The following ANP32E variants were observed in gnomAD, a reference collection of about 807,000 sequenced individuals.
ANP32E encodes the protein acidic leucine-rich nuclear phosphoprotein 32 family member E.
In ANP32E, 14 loss-of-function variants were observed where a neutral mutation model predicts 35.3. The ratio of observed to expected loss-of-function variants is 0.40; its 90% confidence interval spans 0.26 to 0.62. ANP32E has a LOEUF of 0.62. ANP32E is among the 20% of genes least tolerant of loss of function. The pLI, the probability that ANP32E is intolerant of heterozygous loss-of-function variation, is 0.45. For missense variants in ANP32E, 198 were observed against 304.4 expected, an observed-to-expected ratio of 0.65 and a Z score of 2.60; for synonymous variants, 89 against 110.4, an observed-to-expected ratio of 0.81 and a Z score of 1.22.
chr1:150,219,227 A>G lies in ANP32E; in HGVS notation c.*1464T>C, dbSNP rs1553836782. 1 of 152,222 alleles carries G rather than the reference A, an allele frequency of 6.6e-6. No individual in the cohort carries two copies. Among genetic ancestry groups the G allele is most frequent in the East Asian group, 1.9e-4 (1 of 5,208 alleles). The allele number at this position is 152,222 out of a possible 1,614,324, so 9.4% of individuals were successfully genotyped here. A position where few individuals can be genotyped will look rare whatever the true frequency, so the allele number is the denominator to read the frequency against. ...TTACAAATATTCAAAACAAAGGGAAAAAATTTTAGATAGCCAAGATTTAAA... is the reference window on the plus strand; with the variant it reads ...TTACAAATATTCAAAACAAAGGGAAGAAATTTTAGATAGCCAAGATTTAAA... On this transcript the variant is annotated 3_prime_UTR_variant, in exon 7 of 7. Transcript: ENST00000583931.
At chr1:150,232,275 C>A (rs1257778115) in intron 1 of ANP32E, among the ~76,000 whole-genome samples, 1 of 135,262 alleles carries the variant, frequency 7.4e-6, no homozygotes, top group Non-Finnish European at 1.6e-5. Flanking sequence ...ACCCGGGAGG[C>A]GGAGCTTGCA....
intron 5 of ANP32E, 154 bp from the exon 6 acceptor site, chr1:150,223,394 T>A (rs1648592697): frequency 1.9e-6 from 2 of 1,051,232 alleles, no homozygotes; most frequent in African/African-American, 1.6e-5. Flanking sequence ...AAAACCTAAC[T>A]AAAGGGCCGG....
At chr1:150,230,545 T>C (rs1184182560) in intron 3 of ANP32E, 26 bp downstream of exon 3, 1 of 1,557,730 alleles carries the variant, frequency 6.4e-7, no homozygotes, top group Non-Finnish European at 8.7e-7. Context: ...AAAAAGCAAG[T>C]CCAGAGACAA....
In ANP32E at chr1:150,226,603, T is replaced by G; in HGVS notation, c.681+5A>C. The G allele has an allele frequency of 6.2e-7, 1 of 1,613,302 alleles. No homozygotes were observed. Among genetic ancestry groups the G allele is most frequent in the Non-Finnish European group, 8.5e-7 (1 of 1,179,952 alleles). Reference sequence around the variant, plus strand: ...TTTCAGTGCAGGTAAGAAGTGTGTATTCACCTGAATTTCTTCTTTCATTAA... The same window carrying G: ...TTTCAGTGCAGGTAAGAAGTGTGTAGTCACCTGAATTTCTTCTTTCATTAA... On this transcript the variant is annotated splice_donor_5th_base_variant and intron_variant, in intron 5 of 6. Coordinates refer to ENST00000583931, the MANE Select transcript of ANP32E (RefSeq NM_030920.5).
At chr1:150,228,374 TATAG>T (rs1270284111) in intron 4 of ANP32E, among the ~76,000 whole-genome samples, 2 of 152,150 alleles carry the variant, frequency 1.3e-5, no homozygotes, top group African/African-American at 4.8e-5. Flanking sequence ...TATTGCACTG[TATAG>T]ATAAACCACA....
intron 3 of ANP32E, among the ~76,000 whole-genome samples, chr1:150,230,164 C>T (rs1438893490): frequency 6.6e-6 from 1 of 152,094 alleles, no homozygotes; most frequent in African/African-American, 2.4e-5. Flanking sequence ...CAGACATAAA[C>T]CACTGTGCCC....
chr1:150,227,427 A>G (rs1553840408), intron 4 of ANP32E, among the ~76,000 whole-genome samples: 1 of 152,164 alleles, frequency 6.6e-6, no homozygotes. Flanking sequence ...TAAAGAAAGA[A>G]TGAAATCATG....
intron 5 of ANP32E, among the ~76,000 whole-genome samples, chr1:150,225,665 T>A (rs1648802965): frequency 2.4e-5 from 2 of 83,542 alleles, no homozygotes; most frequent in Non-Finnish European, 2.1e-5. Flanking sequence ...AGTGAGACTG[T>A]AACAAAAAAA....
chr1:150,230,527 T>A, intron 3 of ANP32E, 44 bp downstream of exon 3: 2 of 1,513,884 alleles, frequency 1.3e-6, no homozygotes, highest in Non-Finnish European at 1.8e-6. Flanking sequence ...CTCAGAAAAT[T>A]TAACCAAAAA....
Position 150,226,790 on chromosome 1 carries a change from C to T in ANP32E, c.499G>A (p.Asp167Asn), listed in dbSNP as rs782628975. The change falls in exon 5 of 7, where the codon GAT (aspartate) becomes AAT (asparagine). Residue 167 changes from aspartate (D) to asparagine (N), a missense_variant. By Grantham distance (23) the Asp-to-Asn change is conservative. Around this residue, in one of 4 missense-constraint regions of ANP32E, gnomAD observed 121 missense variants for 137.3 expected, o/e 0.88. Coordinates refer to ENST00000583931, the MANE Select transcript of ANP32E (RefSeq NM_030920.5). The stretch of plus-strand genomic sequence containing the variant: ...TCCTCTTCCTCTTCATCATCTTCAT[C>T]GCCATCTTTAAAAAATCATTTAAAG... Reference protein sequence around the residue: ...DSEEEDDEDGDEDDEEEEENE... With the variant: ...DSEEEDDEDGNEDDEEEEENE... 3 of 1,601,424 alleles carry T rather than the reference C, an allele frequency of 1.9e-6. No homozygotes were observed. Among genetic ancestry groups the T allele is most frequent in the Non-Finnish European group, 2.6e-6 (3 of 1,175,908 alleles).
intron 4 of ANP32E, among the ~76,000 whole-genome samples, chr1:150,228,570 T>G (rs1447576234): frequency 6.6e-6 from 1 of 151,980 alleles, no homozygotes; most frequent in African/African-American, 2.4e-5. Flanking sequence ...CGGGCACCTG[T>G]AATCCCAGCA....
Position 150,229,188 on chromosome 1 carries a change from G to C in ANP32E, c.377C>G (p.Thr126Arg), listed in dbSNP as rs782234067. 5 of 1,611,704 alleles carry C rather than the reference G, an allele frequency of 3.1e-6. No homozygotes were observed. The highest frequency in any genetic ancestry group is 4.2e-6 in the Non-Finnish European group (5 of 1,178,588). ...ACTTTCTCTATAATCTTCCAGGTTT[G>C]TGATCTCACAGTTAAACAGGTCAAG... Reference protein sequence around the residue: ...KSLDLFNCEITNLEDYRESIF... With the variant: ...KSLDLFNCEIRNLEDYRESIF... The change falls in exon 4 of 7, where the codon ACA becomes AGA. Residue 126 changes from threonine to arginine, a missense_variant. Physicochemically the swap from Thr to Arg is moderately conservative, Grantham distance 71. Around this residue, in one of 4 missense-constraint regions of ANP32E, gnomAD observed 31 missense variants for 62.6 expected, o/e 0.50. Transcript: ENST00000583931.
In ANP32E at chr1:150,235,111, G is replaced by C. The variant is rs1572036934; in HGVS notation, c.54+622C>G. ...CGAGTCCCCAAACTCGCCCGCGGTC[G>C]GAGAACCCGCCGCTGACCCAGATTC... is the stretch of plus-strand genomic sequence containing the variant. On this transcript the variant is annotated intron_variant, in intron 1 of 6. Transcript: ENST00000583931. The surrounding 1 kb of genome is among the most constrained non-coding windows in gnomAD (Gnocchi z 4.2). Among the ~76,000 whole-genome samples, 1 of 152,102 alleles carries C rather than the reference G, an allele frequency of 6.6e-6. No homozygotes were observed. Among genetic ancestry groups the C allele is most frequent in the African/African-American group, 2.4e-5 (1 of 41,434 alleles).
At position 150,220,476 on chromosome 1, in the gene ANP32E, A is replaced by G; in HGVS notation, c.*215T>C. 2.1e-6 allele frequency: 1 copy of G among 481,408 alleles called. No homozygotes were observed. 29.8% of individuals were successfully genotyped at this position (481,408 alleles called of 1,614,324 possible). A position where few individuals can be genotyped will look rare whatever the true frequency, so the allele number is the denominator to read the frequency against. ...AAATAAATTGCTAGGGAATTCCACA[A>G]TGGGAGTCAATGAAAATTTTTCTCT... is the stretch of plus-strand genomic sequence containing the variant. On this transcript the variant is annotated 3_prime_UTR_variant, in exon 7 of 7. Transcript: ENST00000583931.
chr1:150,220,559 G>T lies in ANP32E; in HGVS notation c.*132C>A. ...TATTTGGAATGATAAGGCAAAAATA[G>T]TAAAACCACACTTTTCCTATAAAAA... On this transcript the variant is annotated 3_prime_UTR_variant, in exon 7 of 7. Coordinates refer to ENST00000583931, the MANE Select transcript of ANP32E (RefSeq NM_030920.5). 1 of 865,644 alleles carries T rather than the reference G, an allele frequency of 1.2e-6. No homozygotes were observed. Among genetic ancestry groups the T allele is most frequent in the Non-Finnish European group, 1.8e-6 (1 of 554,842 alleles). The allele number at this position is 865,644 out of a possible 1,614,324, so 53.6% of individuals were successfully genotyped here. A position where few individuals can be genotyped will look rare whatever the true frequency, so the allele number is the denominator to read the frequency against.
At chr1:150,226,199 T>TCATG (rs1648864880) in intron 5 of ANP32E, among the ~76,000 whole-genome samples, 2 of 152,074 alleles carry the variant, frequency 1.3e-5, no homozygotes, top group African/African-American at 4.8e-5. Flanking sequence ...GATACGGGGT[T>TCATG]TCCCCACTCA....
Position 150,226,609 on chromosome 1 carries a change from T to G in ANP32E, c.680A>C (p.Gln227Pro). The change falls in exon 5 of 7, where the codon CAG becomes CCG. Residue 227 changes from glutamine (Q) to proline (P), a missense_variant and splice_region_variant. By Grantham distance (76) the Gln-to-Pro change is moderately conservative. Coordinates refer to ENST00000583931, the MANE Select transcript of ANP32E (RefSeq NM_030920.5). ...TGCAGGTAAGAAGTGTGTATTCACC[T>G]GAATTTCTTCTTTCATTAAGTATGA... is the stretch of plus-strand genomic sequence containing the variant. The part of the protein sequence containing the change: ...GLSYLMKEEI[Q>P]DEEDDDDYVE... 1 of 1,613,452 alleles carries G rather than the reference T, an allele frequency of 6.2e-7. No individual in the cohort carries two copies. The highest frequency in any genetic ancestry group is 8.5e-7 in the Non-Finnish European group (1 of 1,179,920).
intron 6 of ANP32E, among the ~76,000 whole-genome samples, chr1:150,221,344 CAGG>C (rs1410999527): frequency 6.7e-6 from 1 of 148,816 alleles, no homozygotes; most frequent in Non-Finnish European, 1.5e-5. Context: ...GAGGCTGGGG[CAGG>C]AGAATTGTTT....
At chr1:150,232,489 T>TTTTTTTTTTG (rs1477799667) in intron 1 of ANP32E, among the ~76,000 whole-genome samples, 3 of 125,298 alleles carry the variant, frequency 2.4e-5, no homozygotes, top group Non-Finnish European at 5.1e-5. Flanking sequence ...TTTTTTTTTG[T>TTTTTTTTTTG]AGATGGAGTC....
Sources: allele counts gnomAD v4.1 joint callset (sites outside exome capture counted in the v4.1 genomes callset), GRCh38; gene constraint gnomAD v4.1.1; regional missense constraint gnomAD v4.1.1; non-coding constraint Gnocchi (gnomAD v3.1); transcripts MANE v1.5; gene names NCBI Gene and HGNC (gene_info 2026-07-23, HGNC 2026-07-21).